CDH13: variants seen among roughly 807,000 people sequenced by gnomAD.
CDH13 encodes cadherin-13.
A neutral mutation model predicts 63.8 loss-of-function variants in CDH13; 24 were observed. That is an observed-to-expected ratio of 0.38 (90% CI 0.27 to 0.53). The LOEUF is 0.53. Ranked by LOEUF, CDH13 falls within the 20% of genes least tolerant of loss-of-function variation. The pLI, the probability that CDH13 is intolerant of heterozygous loss-of-function variation, is 0.85. For missense variants in CDH13, 1,049 were observed against 903.1 expected, an observed-to-expected ratio of 1.16 and a Z score of -2.07; for synonymous variants, 503 against 355.3, an observed-to-expected ratio of 1.42 and a Z score of -4.67.
At chr16:83,401,664 A>G (rs1315759909) in intron 6 of CDH13, among the ~76,000 whole-genome samples, 6 of 152,110 alleles carry the variant, frequency 3.9e-5, no homozygotes, top group Non-Finnish European at 8.8e-5. Flanking sequence ...ATGGACAAAA[A>G]AAAGAGAAAA....
At chr16:82,991,993 G>T (rs1360701502) in intron 2 of CDH13, among the ~76,000 whole-genome samples, 1 of 152,142 alleles carries the variant, frequency 6.6e-6, no homozygotes, top group Non-Finnish European at 1.5e-5. Flanking sequence ...AGAAAGGGAT[G>T]AGGAAATAAT....
At chr16:82,772,950 T>C (rs2035329982) in intron 1 of CDH13, among the ~76,000 whole-genome samples, 1 of 152,104 alleles carries the variant, frequency 6.6e-6, no homozygotes, top group South Asian at 2.1e-4. Context: ...TAATTTTACG[T>C]GATTATAGGC....
At chr16:83,034,308 G>T (rs1916652396) in intron 3 of CDH13, among the ~76,000 whole-genome samples, 1 of 152,132 alleles carries the variant, frequency 6.6e-6, no homozygotes, top group African/African-American at 2.4e-5. Flanking sequence ...TTCCTGGGCT[G>T]GATGAACTTC....
intron 3 of CDH13, among the ~76,000 whole-genome samples, chr16:83,112,225 C>A (rs2035089938): frequency 6.6e-6 from 1 of 152,172 alleles, no homozygotes; most frequent in Admixed American, 6.5e-5. Flanking sequence ...GTCTATGTAT[C>A]AGTTAGGGCA....
intron 3 of CDH13, among the ~76,000 whole-genome samples, chr16:83,105,008 CT>C (rs1176234284): frequency 1.3e-5 from 2 of 152,036 alleles, no homozygotes; most frequent in African/African-American, 4.8e-5. Flanking sequence ...TTTGGCATTC[CT>C]TTTTTTAACT....
At chr16:83,690,338 G>A (rs1904728606) in intron 10 of CDH13, among the ~76,000 whole-genome samples, 1 of 152,158 alleles carries the variant, frequency 6.6e-6, no homozygotes, top group Admixed American at 6.5e-5. Flanking sequence ...CTAGATAGAG[G>A]GTCAGCAGAA....
rs1909863374 is a variant in CDH13 at position 82,644,632 on chromosome 16, G to A, written c.45+17495G>A. Among the ~76,000 whole-genome samples the A allele has an allele frequency of 6.6e-6, 1 of 152,164 alleles. No homozygotes were observed. Among genetic ancestry groups the A allele is most frequent in the East Asian group, 1.9e-4 (1 of 5,168 alleles). On this transcript the variant is annotated intron_variant, in intron 1 of 13. Coordinates refer to ENST00000567109, the MANE Select transcript of CDH13 (RefSeq NM_001257.5). The surrounding 1 kb of genome is among the most constrained non-coding windows in gnomAD (Gnocchi z 5.7). ...ACGTGTCTTCATAGGTCTCCAGTCTGTAAAAGCAACCACGCTTTGGGCTGG... is the reference window on the plus strand; with the variant it reads ...ACGTGTCTTCATAGGTCTCCAGTCTATAAAAGCAACCACGCTTTGGGCTGG...
chr16:83,361,752 C>A (rs75150179), intron 6 of CDH13, among the ~76,000 whole-genome samples: 1 of 151,872 alleles, frequency 6.6e-6, no homozygotes, highest in Non-Finnish European at 1.5e-5. Context: ...TGCAGCTTTA[C>A]TTCTCAGTTC....
intron 2 of CDH13, among the ~76,000 whole-genome samples, chr16:82,984,014 TG>T (rs1326184999): frequency 1.3e-5 from 2 of 152,200 alleles, no homozygotes; most frequent in African/African-American, 4.8e-5. Context: ...GAAGCTGGAC[TG>T]GGAAGCCCAC....
At chr16:83,643,794 C>T (rs1483062512) in intron 8 of CDH13, among the ~76,000 whole-genome samples, 1 of 152,178 alleles carries the variant, frequency 6.6e-6, no homozygotes, top group African/African-American at 2.4e-5. Context: ...TCATAGTTTA[C>T]TTACGTTAAT....
chr16:83,384,762 G>A (rs1005316693), intron 6 of CDH13, among the ~76,000 whole-genome samples: 2 of 152,222 alleles, frequency 1.3e-5, no homozygotes, highest in Non-Finnish European at 2.9e-5. Flanking sequence ...AATCTTTCCT[G>A]TCTCACTCTT....
chr16:83,238,925 G>A (rs1904290176), intron 5 of CDH13, among the ~76,000 whole-genome samples: 1 of 152,126 alleles, frequency 6.6e-6, no homozygotes, highest in Non-Finnish European at 1.5e-5. Flanking sequence ...TCACCTTTGG[G>A]CTAAGAGCAG....
intron 6 of CDH13, among the ~76,000 whole-genome samples, chr16:83,369,132 A>G (rs976386359): frequency 2.6e-5 from 4 of 151,544 alleles, no homozygotes; most frequent in Non-Finnish European, 5.9e-5. Flanking sequence ...TTCTTTAAGG[A>G]ATCTCCACAC....
Position 83,396,998 on chromosome 16 carries a change from A to G in CDH13, c.781+51992A>G, listed in dbSNP as rs190938589. Among the ~76,000 whole-genome samples the G allele has an allele frequency of 1.8e-3, 276 of 152,312 alleles. 1 individual carries two copies. The highest frequency in any genetic ancestry group is 6.8e-4 in the Non-Finnish European group (46 of 68,038). Reference sequence around the variant, plus strand: ...GTTACACAGCTACTAGTGGTGGTGCAGAATTGGGAAGCCAAGCAGCCTTGG... The same window carrying G: ...GTTACACAGCTACTAGTGGTGGTGCGGAATTGGGAAGCCAAGCAGCCTTGG... On this transcript the variant is annotated intron_variant, in intron 6 of 13. Coordinates refer to ENST00000567109, the MANE Select transcript of CDH13 (RefSeq NM_001257.5).
At chr16:83,184,627 C>T (rs573234792) in intron 4 of CDH13, among the ~76,000 whole-genome samples, 17 of 152,172 alleles carry the variant, frequency 1.1e-4, no homozygotes, top group African/African-American at 2.9e-4. Flanking sequence ...TGGTGGTGCA[C>T]GCCTGTAGTC....
chr16:83,003,113 A>G (rs748807468), intron 2 of CDH13, among the ~76,000 whole-genome samples: 3 of 152,182 alleles, frequency 2.0e-5, no homozygotes, highest in Non-Finnish European at 2.9e-5. Flanking sequence ...CCTTTCCCCA[A>G]CACTGGAATG....
intron 2 of CDH13, among the ~76,000 whole-genome samples, chr16:82,905,633 A>T (rs1414216798): frequency 6.6e-6 from 1 of 152,178 alleles, no homozygotes; most frequent in African/African-American, 2.4e-5. Flanking sequence ...GTAAGTTTAA[A>T]TTTTCTAGTA....
chr16:83,415,213 T>A (rs908024092), intron 6 of CDH13, among the ~76,000 whole-genome samples: 4 of 151,910 alleles, frequency 2.6e-5, no homozygotes, highest in African/African-American at 7.3e-5. Flanking sequence ...ACATACAACC[T>A]ACCAAGATTA....
chr16:82,667,350 G>T (rs973404664), intron 1 of CDH13, among the ~76,000 whole-genome samples: 1 of 152,224 alleles, frequency 6.6e-6, no homozygotes, highest in Non-Finnish European at 1.5e-5. Context: ...GTACTGAGCT[G>T]GCCATCCCCA....
Sources: allele counts gnomAD v4.1 joint callset (sites outside exome capture counted in the v4.1 genomes callset), GRCh38; gene constraint gnomAD v4.1.1; non-coding constraint Gnocchi (gnomAD v3.1); transcripts MANE v1.5; gene names NCBI Gene and HGNC (gene_info 2026-07-23, HGNC 2026-07-21).